The following HS3ST4 variants were observed in gnomAD, a reference collection of about 807,000 sequenced individuals.
HS3ST4 encodes heparan sulfate-glucosamine 3-sulfotransferase 4, also known as heparan sulfate glucosamine 3-O-sulfotransferase 4.
In HS3ST4, 17 loss-of-function variants were observed where a neutral mutation model predicts 29.2. That is an observed-to-expected ratio of 0.58 (90% CI 0.40 to 0.87). The LOEUF is 0.87. HS3ST4 is among the 40% of genes least tolerant of loss of function. The pLI, the probability that HS3ST4 is intolerant of heterozygous loss-of-function variation, is 0.00. For synonymous variants in HS3ST4, 314 were observed against 285.7 expected (o/e 1.10, Z -1.00); for missense variants, 627 against 634.5 (o/e 0.99, Z 0.13).
At chr16:26,110,806 C>G (rs1899118501) in intron 1 of HS3ST4, among the ~76,000 whole-genome samples, 1 of 152,134 alleles carries the variant, frequency 6.6e-6, no homozygotes, top group Non-Finnish European at 1.5e-5. Flanking sequence ...CCTCTCTGAT[C>G]TCTCCTTCCA....
At chr16:26,107,586 CTGTT>C (rs1216342891) in intron 1 of HS3ST4, among the ~76,000 whole-genome samples, 2 of 152,198 alleles carry the variant, frequency 1.3e-5, no homozygotes, top group Non-Finnish European at 2.9e-5. Flanking sequence ...TTATACCACT[CTGTT>C]TGTCTTTGCA....
intron 1 of HS3ST4, among the ~76,000 whole-genome samples, chr16:25,756,134 ACACACACACACACACACACG>A (rs1966756702): frequency 3.3e-5 from 3 of 90,554 alleles, no homozygotes; most frequent in Non-Finnish European, 6.9e-5. Context: ...ACATACACAC[ACACACACACACACACACACG>A]CACACACACA....
At chr16:25,784,401 C>A (rs1966855404) in intron 1 of HS3ST4, among the ~76,000 whole-genome samples, 1 of 152,216 alleles carries the variant, frequency 6.6e-6, no homozygotes, top group Non-Finnish European at 1.5e-5. Context: ...AAGCCAAAAG[C>A]TAGACCTCTT....
At chr16:26,097,471 A>G (rs558351099) in intron 1 of HS3ST4, among the ~76,000 whole-genome samples, 1 of 152,254 alleles carries the variant, frequency 6.6e-6, no homozygotes, top group Admixed American at 6.5e-5. Flanking sequence ...TGACAAAAAC[A>G]AGAAATAGGA....
chr16:25,794,930 CACACACACAT>C (rs1433982731), intron 1 of HS3ST4, among the ~76,000 whole-genome samples: 19 of 110,946 alleles, frequency 1.7e-4, no homozygotes, highest in Admixed American at 1.5e-3. Context: ...CACACACACA[CACACACACAT>C]ATATATTCAT....
intron 1 of HS3ST4, among the ~76,000 whole-genome samples, chr16:25,958,561 C>G (rs967351837): frequency 6.6e-6 from 1 of 152,158 alleles, no homozygotes; most frequent in Admixed American, 6.5e-5. Context: ...GAACTCCTGA[C>G]CTCAGGTGAT....
intron 1 of HS3ST4, among the ~76,000 whole-genome samples, chr16:26,080,369 T>C (rs1024958190): frequency 1.3e-5 from 2 of 152,146 alleles, no homozygotes; most frequent in African/African-American, 4.8e-5. Context: ...AATGGATACC[T>C]GGTGAAAGCC....
At chr16:25,903,302 GTATGTATATGTATATATTATATA>G (rs1389278014) in intron 1 of HS3ST4, among the ~76,000 whole-genome samples, 13 of 103,496 alleles carry the variant, frequency 1.3e-4, no homozygotes, top group East Asian at 5.0e-4. Flanking sequence ...GTGTGTGTGT[GTATGTATATGTATATATTATATA>G]TATGTATATG....
intron 1 of HS3ST4, among the ~76,000 whole-genome samples, chr16:25,919,218 G>T (rs1968322701): frequency 1.3e-5 from 2 of 152,056 alleles, no homozygotes; most frequent in African/African-American, 4.8e-5. Context: ...TTTTGTAGAG[G>T]CAAGGTCTTG....
intron 1 of HS3ST4, among the ~76,000 whole-genome samples, chr16:25,983,480 C>G (rs972145596): frequency 6.6e-6 from 1 of 152,206 alleles, no homozygotes; most frequent in African/African-American, 2.4e-5. Context: ...CTCCTCTCTC[C>G]TGTTCTGCTT....
intron 1 of HS3ST4, among the ~76,000 whole-genome samples, chr16:25,870,415 C>G (rs1424093490): frequency 6.6e-6 from 1 of 152,118 alleles, no homozygotes; most frequent in African/African-American, 2.4e-5. Flanking sequence ...AAAAAGCTCC[C>G]TCACTAAGAA....
chr16:25,820,593 G>GTTTATT (rs1021221709), intron 1 of HS3ST4, among the ~76,000 whole-genome samples: 4 of 145,106 alleles, frequency 2.8e-5, no homozygotes, highest in African/African-American at 1.0e-4. Context: ...TGTTGTTGTT[G>GTTTATT]TTTATTTTTA....
intron 1 of HS3ST4, among the ~76,000 whole-genome samples, chr16:26,071,626 T>C (rs544804495): frequency 6.6e-6 from 1 of 152,230 alleles, no homozygotes; most frequent in East Asian, 1.9e-4. Context: ...ACATGATGAT[T>C]AGAAGATTTA....
intron 1 of HS3ST4, among the ~76,000 whole-genome samples, chr16:26,010,343 C>T (rs1596643476): frequency 6.6e-6 from 1 of 151,846 alleles, no homozygotes; most frequent in African/African-American, 2.4e-5. Flanking sequence ...AATCCCAGCT[C>T]CTGGGGAGGC....
intron 1 of HS3ST4, among the ~76,000 whole-genome samples, chr16:25,925,189 A>G (rs1968390110): frequency 6.6e-6 from 1 of 150,996 alleles, no homozygotes; most frequent in Non-Finnish European, 1.5e-5. Context: ...AGCATCCTAG[A>G]TGAATTAATA....
intron 1 of HS3ST4, among the ~76,000 whole-genome samples, chr16:25,948,918 A>G (rs4075108): frequency 1.3e-5 from 2 of 152,022 alleles, no homozygotes; most frequent in African/African-American, 4.8e-5. Context: ...TTGCCAATTC[A>G]TAAATTCTGG....
chr16:26,079,591 G>A (rs1232600301), intron 1 of HS3ST4, among the ~76,000 whole-genome samples: 2 of 152,166 alleles, frequency 1.3e-5, no homozygotes, highest in Non-Finnish European at 2.9e-5. Flanking sequence ...TATTATCCCT[G>A]TTATACAAAT....
rs544191673 is a variant in HS3ST4 at position 25,993,475 on chromosome 16, C to T, written c.735-142137C>T. Among the ~76,000 whole-genome samples the T allele has an allele frequency of 2.0e-5, 3 of 152,048 alleles. No homozygotes were observed. The East Asian group carries it at 5.8e-4, about 29-fold the overall frequency. On this transcript the variant is annotated intron_variant, in intron 1 of 1. Transcript: ENST00000331351. Reference sequence around the variant, plus strand: ...TGACAGCTGTGGGGCATCCCTAGTTCTTTTTAGAAGAGGTGTAGGGGAAAG... The same window carrying T: ...TGACAGCTGTGGGGCATCCCTAGTTTTTTTTAGAAGAGGTGTAGGGGAAAG...
chr16:25,939,227 G>T (rs1968549420), intron 1 of HS3ST4, among the ~76,000 whole-genome samples: 1 of 151,952 alleles, frequency 6.6e-6, no homozygotes. Context: ...AAAGTAACCA[G>T]ATCTTACAGG....
Sources: allele counts gnomAD v4.1 joint callset (sites outside exome capture counted in the v4.1 genomes callset), GRCh38; gene constraint gnomAD v4.1.1; transcripts MANE v1.5; gene names NCBI Gene and HGNC (gene_info 2026-07-23, HGNC 2026-07-21).